MRTFA: variants seen among roughly 807,000 people sequenced by gnomAD.
MRTFA encodes the protein myocardin related transcription factor A.
Under a neutral mutation model 83.5 loss-of-function variants are expected in MRTFA, and 20 were observed. That is an observed-to-expected ratio of 0.24 (90% confidence interval 0.17 to 0.35). MRTFA has a LOEUF of 0.35. MRTFA is among the 10% of genes least tolerant of loss of function. The pLI, the probability that MRTFA is intolerant of heterozygous loss-of-function variation, is 1.00. For synonymous variants in MRTFA, 659 were observed against 541.2 expected (o/e 1.22, Z -3.02); for missense variants, 1,200 against 1,224.7 (o/e 0.98, Z 0.30).
At chr22:40,613,284 T>C (rs2056408068) in intron 1 of MRTFA, among the ~76,000 whole-genome samples, 1 of 152,246 alleles carries the variant, frequency 6.6e-6, no homozygotes, top group South Asian at 2.1e-4. Flanking sequence ...CTATTGTGAA[T>C]AAAGCTGCTA....
intron 1 of MRTFA, among the ~76,000 whole-genome samples, chr22:40,595,137 T>G (rs79449108): frequency 8.1e-5 from 12 of 148,760 alleles, no homozygotes; most frequent in Non-Finnish European, 6.0e-5. Flanking sequence ...TTTTTTTTTT[T>G]GGACAAGGAG....
At chr22:40,466,013 T>TG (rs1471669823) in intron 3 of MRTFA, among the ~76,000 whole-genome samples, 1 of 152,158 alleles carries the variant, frequency 6.6e-6, no homozygotes, top group Non-Finnish European at 1.5e-5. Context: ...CTCCTTACTT[T>TG]GCCTCTCTAG....
At chr22:40,466,920 C>CAGCTTATAT (rs2147159760) in intron 3 of MRTFA, among the ~76,000 whole-genome samples, 1 of 152,044 alleles carries the variant, frequency 6.6e-6, no homozygotes, top group African/African-American at 2.4e-5. Context: ...AAGGCATATT[C>CAGCTTATAT]AGCTTATATA....
At chr22:40,512,939 AT>A (rs2147244494) in intron 3 of MRTFA, among the ~76,000 whole-genome samples, 1 of 152,340 alleles carries the variant, frequency 6.6e-6, no homozygotes, top group South Asian at 2.1e-4. Flanking sequence ...TAAACTATAA[AT>A]TCTCTAAATT....
At chr22:40,451,327 C>T (rs2053481695) in intron 4 of MRTFA, among the ~76,000 whole-genome samples, 1 of 152,190 alleles carries the variant, frequency 6.6e-6, no homozygotes, top group African/African-American at 2.4e-5. Flanking sequence ...TCAATGAAAG[C>T]ATTTGGGTGG....
intron 3 of MRTFA, among the ~76,000 whole-genome samples, chr22:40,479,618 C>G (rs757946861): frequency 1.3e-5 from 2 of 152,154 alleles, no homozygotes; most frequent in African/African-American, 2.4e-5. Flanking sequence ...GAAATGCTGC[C>G]ATCTCTTGGA....
At chr22:40,618,895 A>G (rs2056486458) in intron 1 of MRTFA, among the ~76,000 whole-genome samples, 1 of 152,064 alleles carries the variant, frequency 6.6e-6, no homozygotes, top group Non-Finnish European at 1.5e-5. Context: ...CAGGAGGCAG[A>G]GGTTTCAGTG....
intron 1 of MRTFA, among the ~76,000 whole-genome samples, chr22:40,607,405 G>A (rs950857184): frequency 2.0e-5 from 3 of 152,042 alleles, no homozygotes; most frequent in Non-Finnish European, 4.4e-5. Flanking sequence ...ACGGGAGGCT[G>A]AGGCAGGAGA....
At chr22:40,467,049 T>G (rs1245239262) in intron 3 of MRTFA, among the ~76,000 whole-genome samples, 1 of 152,150 alleles carries the variant, frequency 6.6e-6, no homozygotes, top group Non-Finnish European at 1.5e-5. Flanking sequence ...ACCTTTTCCA[T>G]CTCTAAAACT....
At chr22:40,610,204 G>A (rs1050367540) in intron 1 of MRTFA, among the ~76,000 whole-genome samples, 9 of 151,666 alleles carry the variant, frequency 5.9e-5, no homozygotes, top group Non-Finnish European at 1.2e-4. Flanking sequence ...CTGCCACCAT[G>A]CCCAGCTAAT....
In MRTFA at chr22:40,437,762, CA is replaced by C. The variant is rs1180457762; in HGVS notation, c.308-2209del. 7.0e-3 allele frequency among the ~76,000 whole-genome samples: 745 copies of C among 105,834 alleles called. 3 individuals are homozygous for C. The highest frequency in any genetic ancestry group is 0.021 in the South Asian group (72 of 3,354). The allele number at this position is 105,834 out of a possible 152,430, so 69.4% of individuals were successfully genotyped here. ...TGGGAGACAGAGCAAGACTCCGTCT[CA>C]AAAAAAAAAAAAAAAGGCGGAATAC... On this transcript the variant is annotated intron_variant, in intron 4 of 14. Transcript: ENST00000355630.
chr22:40,570,492 G>A (rs976693506), intron 2 of MRTFA, among the ~76,000 whole-genome samples: 37 of 145,958 alleles, frequency 2.5e-4, no homozygotes, highest in African/African-American at 7.7e-4. Context: ...GCAGGAGAAC[G>A]GCATGAACCC....
At chr22:40,574,525 C>T (rs1388929926) in intron 2 of MRTFA, among the ~76,000 whole-genome samples, 1 of 151,750 alleles carries the variant, frequency 6.6e-6, no homozygotes, top group Non-Finnish European at 1.5e-5. Flanking sequence ...ACCTCTGCCT[C>T]CTGGGTTCAA....
intron 14 of MRTFA, among the ~76,000 whole-genome samples, chr22:40,414,852 A>G (rs1031053046): frequency 1.2e-4 from 18 of 152,296 alleles, no homozygotes; most frequent in Admixed American, 1.0e-3. Flanking sequence ...AAATGATTAG[A>G]ATGGCAAATT....
intron 11 of MRTFA, among the ~76,000 whole-genome samples, chr22:40,419,973 G>A (rs145119251): frequency 4.6e-5 from 7 of 152,204 alleles, no homozygotes; most frequent in Non-Finnish European, 1.0e-4. Flanking sequence ...GGAAAATGCG[G>A]GCAGGGTTGC....
intron 4 of MRTFA, among the ~76,000 whole-genome samples, chr22:40,455,658 A>C (rs889431530): frequency 2.0e-5 from 3 of 150,026 alleles, no homozygotes; most frequent in East Asian, 2.0e-4. Context: ...AAAAAAAAAA[A>C]AAAAAACATA....
chr22:40,629,355 A>G (rs2147449122), intron 1 of MRTFA, among the ~76,000 whole-genome samples: 1 of 152,118 alleles, frequency 6.6e-6, no homozygotes, highest in South Asian at 2.1e-4. Context: ...CTGAGGCAGG[A>G]GAATGGCTTG....
chr22:40,424,102 C>T, intron 8 of MRTFA, 104 bp downstream of exon 8: 1 of 1,274,272 alleles, frequency 7.8e-7, no homozygotes, highest in Non-Finnish European at 1.1e-6. Context: ...CCCCTGGCTT[C>T]CCTGTGCCAG....
At chr22:40,528,737 CAAAAAAAA>C (rs11321951) in intron 3 of MRTFA, among the ~76,000 whole-genome samples, 1 of 116,596 alleles carries the variant, frequency 8.6e-6, no homozygotes, top group Non-Finnish European at 1.8e-5. Flanking sequence ...AACTCTGCTT[CAAAAAAAA>C]AAAAAAAAAA....
Sources: allele counts gnomAD v4.1 joint callset (sites outside exome capture counted in the v4.1 genomes callset), GRCh38; gene constraint gnomAD v4.1.1; transcripts MANE v1.5; gene names NCBI Gene and HGNC (gene_info 2026-07-23, HGNC 2026-07-21).